EMC1: variants seen among roughly 807,000 people sequenced by gnomAD.
EMC1 encodes the protein KIAA0090.
A neutral mutation model predicts 128.8 loss-of-function variants in EMC1; 103 were observed. The ratio of observed to expected loss-of-function variants is 0.80; its 90% CI spans 0.68 to 0.94. The LOEUF (loss-of-function observed/expected upper bound fraction) is 0.94. Ranked by LOEUF, EMC1 falls within the 40% of genes least tolerant of loss-of-function variation. EMC1 has a pLI of 0.00. For synonymous variants in EMC1, 442 were observed against 490.4 expected, an observed-to-expected ratio of 0.90 and a Z score of 1.30; for missense variants, 1,083 against 1,250.6, an observed-to-expected ratio of 0.87 and a Z score of 2.02.
chr1:19,228,329 A>G (rs2093493381), intron 17 of EMC1, among the ~76,000 whole-genome samples: 1 of 152,202 alleles, frequency 6.6e-6, no homozygotes, highest in Non-Finnish European at 1.5e-5. Flanking sequence ...AAACTCCAAG[A>G]TCCCTGTATA....
chr1:19,229,910 A>G (rs2093506977), intron 17 of EMC1, among the ~76,000 whole-genome samples: 1 of 152,214 alleles, frequency 6.6e-6, no homozygotes, highest in Non-Finnish European at 1.5e-5. Flanking sequence ...CTAGACTTCC[A>G]ATCTAGCAAA....
intron 4 of EMC1, among the ~76,000 whole-genome samples, chr1:19,243,341 A>G (rs1341084279): frequency 1.3e-5 from 2 of 152,240 alleles, no homozygotes; most frequent in Admixed American, 1.3e-4. Context: ...TTATGTTCTT[A>G]TATCTGGAAC....
chr1:19,224,056 T>C (rs2093452606), intron 18 of EMC1, among the ~76,000 whole-genome samples: 1 of 152,206 alleles, frequency 6.6e-6, no homozygotes, highest in Non-Finnish European at 1.5e-5. Context: ...CACTACCTCC[T>C]TGCGACATTT....
At chr1:19,249,582 T>C (rs1182809280) in intron 1 of EMC1, among the ~76,000 whole-genome samples, 1 of 152,170 alleles carries the variant, frequency 6.6e-6, no homozygotes, top group Non-Finnish European at 1.5e-5. Flanking sequence ...CAGGATGTAT[T>C]CCCATCATTA....
rs1311686828 is a variant in EMC1 at position 19,244,027 on chromosome 1, GA to G, written c.221-13del. 2.1e-5 allele frequency: 34 copies of G among 1,613,808 alleles called. No individual in the cohort carries two copies. The Admixed American group carries it at 4.3e-4, about 21-fold the overall frequency. ...AACATGGCGCCACACTGAGAGACAT[GA>G]AAGTTAGACATTACTATGAACAAAA... On this transcript the variant is annotated splice_polypyrimidine_tract_variant and intron_variant, in intron 2 of 22. Transcript: ENST00000477853.
chr1:19,247,605 A>G (rs919886363), intron 1 of EMC1, among the ~76,000 whole-genome samples: 1 of 152,248 alleles, frequency 6.6e-6, no homozygotes, highest in Non-Finnish European at 1.5e-5. Flanking sequence ...TGTATACTAC[A>G]TAATACTTGA....
At chr1:19,231,040 A>G (rs2093517428) in intron 16 of EMC1, 77 bp from the exon 17 acceptor site, 1 of 1,562,102 alleles carries the variant, frequency 6.4e-7, no homozygotes, top group Non-Finnish European at 8.8e-7. Context: ...TAAAACTGCA[A>G]ATCAGTTGAT....
intron 15 of EMC1, among the ~76,000 whole-genome samples, chr1:19,232,131 G>A (rs185650649): frequency 5.3e-5 from 8 of 152,240 alleles, no homozygotes; most frequent in African/African-American, 9.6e-5. Flanking sequence ...GCATGATGGC[G>A]TGTGCCTGTA....
intron 19 of EMC1, 123 bp from the exon 20 acceptor site, chr1:19,222,957 C>T: frequency 1.4e-6 from 1 of 690,886 alleles, no homozygotes; most frequent in South Asian, 2.0e-5. Context: ...CAACTAGCAC[C>T]TCACTTTTCT....
chr1:19,248,480 C>T (rs2093641882), intron 1 of EMC1, among the ~76,000 whole-genome samples: 1 of 152,140 alleles, frequency 6.6e-6, no homozygotes, highest in South Asian at 2.1e-4. Context: ...AGTGCAGTGG[C>T]GTGATCTCAA....
In EMC1 at chr1:19,232,785, A is replaced by G. The variant is rs2093533673; in HGVS notation, c.1633-12T>C. The stretch of plus-strand genomic sequence containing the variant: ...TCAATGCCAAAAAGCTGCAAGATAA[A>G]CAAATACTTGGCTCACTACTAGAAA... On this transcript the variant is annotated splice_polypyrimidine_tract_variant and intron_variant, in intron 14 of 22. Transcript: ENST00000477853. The G allele has an allele frequency of 1.2e-6, 2 of 1,614,084 alleles. No homozygotes were observed. The highest frequency in any genetic ancestry group is 8.5e-7 in the Non-Finnish European group (1 of 1,179,922).
At chr1:19,232,374 C>A (rs1014641264) in intron 15 of EMC1, among the ~76,000 whole-genome samples, 1 of 152,226 alleles carries the variant, frequency 6.6e-6, no homozygotes. Flanking sequence ...CAGCAACCAA[C>A]AGCCAATGTT....
rs141614470 is a variant in EMC1 at position 19,240,364 on chromosome 1, G to T, written c.719C>A (p.Pro240Gln). The T allele has an allele frequency of 1.2e-6, 2 of 1,614,168 alleles. No homozygotes were observed. Among genetic ancestry groups the T allele is most frequent in the African/African-American group, 1.3e-5 (1 of 75,030 alleles). Residue 240 changes from proline to glutamine, a missense_variant, in exon 7 of 23, where the codon CCG becomes CAG. By Grantham distance (76) the Pro-to-Gln change is moderately conservative. Transcript: ENST00000477853. The part of the protein sequence containing the change: ...VDEAVLVCPD[P>Q]SSRSLQTLAL... ...CAAAGTTTGGAGGGAACGTGAGCTCGGGTCAGGACACACCAGGACAGCCTC... is the reference window on the plus strand; with the variant it reads ...CAAAGTTTGGAGGGAACGTGAGCTCTGGTCAGGACACACCAGGACAGCCTC...
At chr1:19,234,127 G>C (rs2093545460) in intron 13 of EMC1, 1 of 972,032 alleles carries the variant, frequency 1.0e-6, no homozygotes, top group Non-Finnish European at 1.2e-6. Flanking sequence ...TTAACCAAAA[G>C]CTAGCCATGT....
At chr1:19,235,404 C>A in intron 12 of EMC1, 152 bp from the exon 13 acceptor site, 2 of 761,080 alleles carry the variant, frequency 2.6e-6, no homozygotes, top group South Asian at 4.0e-5. Flanking sequence ...CTTATCTCAA[C>A]AAAAAATAAA....
intron 5 of EMC1, 96 bp from the exon 6 acceptor site, chr1:19,241,238 G>A: frequency 7.0e-7 from 1 of 1,419,320 alleles, no homozygotes; most frequent in Non-Finnish European, 9.6e-7. Context: ...TCACAAACTA[G>A]TAATTCCCAA....
At chr1:19,229,292 A>G (rs1490758333) in intron 17 of EMC1, 1 of 152,228 alleles carries the variant, frequency 6.6e-6, no homozygotes, top group Non-Finnish European at 1.5e-5. Flanking sequence ...TTTTTAAAAT[A>G]GTGAAAATTA....
In EMC1 at chr1:19,240,702, G is replaced by A. The variant is rs2093600389; in HGVS notation, c.637-256C>T. On this transcript the variant is annotated intron_variant, in intron 6 of 22. Transcript: ENST00000477853. ...TATATCCGATAATTTTAAATACCTGGCACTTCAGAATCAGCACTTCTTTAC... is the reference window on the plus strand; with the variant it reads ...TATATCCGATAATTTTAAATACCTGACACTTCAGAATCAGCACTTCTTTAC... 3 of 573,032 alleles carry A rather than the reference G, an allele frequency of 5.2e-6. No individual in the cohort carries two copies. In the Admixed American group the frequency reaches 9.0e-5, roughly 17 times the overall value. The allele number at this position is 573,032 out of a possible 1,614,324, so 35.5% of individuals were successfully genotyped here. A position where few individuals can be genotyped will look rare whatever the true frequency, so the allele number is the denominator to read the frequency against.
At position 19,225,601 on chromosome 1, in the gene EMC1, C is replaced by T. The variant is rs184853512; in HGVS notation, c.2202+1712G>A. ...CGTGGAGGTTGCAGTGAGCCAAGAT[C>T]GTGCCACTGCACTCCAGCCTGGTGA... On this transcript the variant is annotated intron_variant, in intron 18 of 22. Coordinates refer to ENST00000477853, the MANE Select transcript of EMC1 (RefSeq NM_015047.3). Among the ~76,000 whole-genome samples, 154 of 152,006 alleles carry T rather than the reference C, an allele frequency of 1.0e-3. 1 individual carries two copies. The highest frequency in any genetic ancestry group is 3.6e-3 in the African/African-American group (149 of 41,458).
Sources: allele counts gnomAD v4.1 joint callset (sites outside exome capture counted in the v4.1 genomes callset), GRCh38; gene constraint gnomAD v4.1.1; transcripts MANE v1.5; gene names NCBI Gene and HGNC (gene_info 2026-07-23, HGNC 2026-07-21).